Variants in ODF2 observed in about 807,000 individuals in gnomAD.
The protein encoded by ODF2 is outer dense fiber of sperm tails 2.
In ODF2, 47 loss-of-function variants were observed where a neutral mutation model predicts 110.2. That is an observed-to-expected ratio of 0.43 (90% CI 0.34 to 0.54). The LOEUF (loss-of-function observed/expected upper bound fraction) is 0.54, where lower values mean the gene tolerates loss of function less well. Among genes scored for constraint, ODF2 ranks in the 20% least tolerant of loss-of-function variants. The pLI is 0.03. For synonymous variants in ODF2, 352 were observed against 397.7 expected (o/e 0.89, Z 1.37); for missense variants, 812 against 1,054.5 (o/e 0.77, Z 3.19).
intron 18 of ODF2, 195 bp from the exon 19 acceptor site, chr9:128,498,218 C>A: frequency 1.4e-6 from 1 of 717,848 alleles, no homozygotes; most frequent in Non-Finnish European, 2.0e-6. Context: ...ACTCTGTTCT[C>A]TAACCAGTTG....
intron 14 of ODF2, among the ~76,000 whole-genome samples, chr9:128,488,927 A>G (rs185888189): frequency 6.6e-6 from 1 of 152,310 alleles, no homozygotes; most frequent in African/African-American, 2.4e-5. Context: ...GAATTGCTTG[A>G]GCCCAGGAAG....
exon 12 of ODF2, chr9:128,484,794 G>C: frequency 1.2e-6 from 2 of 1,613,654 alleles, no homozygotes; most frequent in Non-Finnish European, 1.7e-6. Context: ...CCGAGACAAA[G>C]AGAGCTTGAA....
chr9:128,500,342 C>T (rs1449045857), exon 21 of ODF2: 1 of 1,380,512 alleles, frequency 7.2e-7, no homozygotes, highest in Non-Finnish European at 1.0e-6. Context: ...GGTGGTTTTC[C>T]TCTCCCAGTG....
At chr9:128,456,611 C>G in intron 1 of ODF2, 1 of 1,514,638 alleles carries the variant, frequency 6.6e-7, no homozygotes. Flanking sequence ...CCGACAGAGG[C>G]TCTCCCTCGC....
At chr9:128,493,847 T>A (rs971312668) in intron 16 of ODF2, among the ~76,000 whole-genome samples, 2 of 152,138 alleles carry the variant, frequency 1.3e-5, no homozygotes, top group Non-Finnish European at 2.9e-5. Flanking sequence ...CAGGCTGGAG[T>A]GCAGTGGTGT....
At chr9:128,466,254 T>G (rs1837859886) in intron 4 of ODF2, among the ~76,000 whole-genome samples, 1 of 151,572 alleles carries the variant, frequency 6.6e-6, no homozygotes, top group Non-Finnish European at 1.5e-5. Flanking sequence ...TCACCTGAGC[T>G]CAGGAGTTGG....
chr9:128,497,479 A>G (rs1845850766), intron 18 of ODF2: 1 of 118,896 alleles, frequency 8.4e-6, no homozygotes, highest in African/African-American at 3.2e-5. Context: ...ATATATATAT[A>G]TATATATGTA....
rs2132061088 is a variant in ODF2 at position 128,485,509 on chromosome 9, G to T, written c.1400+35G>T. The T allele has an allele frequency of 8.2e-7, 1 of 1,222,930 alleles. No homozygotes were observed. The highest frequency in any genetic ancestry group is 1.2e-5 in the South Asian group (1 of 80,658). The allele number at this position is 1,222,930 out of a possible 1,614,324, so 75.8% of individuals were successfully genotyped here. A position where few individuals can be genotyped will look rare whatever the true frequency, so the allele number is the denominator to read the frequency against. On this transcript the variant is annotated intron_variant, in intron 13 of 20. Coordinates refer to ENST00000604420, the Ensembl canonical transcript of ODF2. The surrounding 1 kb of genome is among the most constrained non-coding windows in gnomAD (Gnocchi z 5.0). ...AGAGTAGGAGAGGGAATGTGGCGCT[G>T]TTGAGGGACTTGGGTGTGCAGGTGG...
At chr9:128,498,807 C>T (rs1564535569) in intron 19 of ODF2, among the ~76,000 whole-genome samples, 194 bp from the exon 20 acceptor site, 1 of 152,222 alleles carries the variant, frequency 6.6e-6, no homozygotes, top group African/African-American at 2.4e-5. Flanking sequence ...GGTGGTGACT[C>T]CTGGAGCACT....
At position 128,497,446 on chromosome 9, in the gene ODF2, A is replaced by AAAAAAAT. The variant is rs1554857542; in HGVS notation, c.2013-966_2013-965insAAAAATA. The AAAAAAAT allele has an allele frequency of 5.6e-4, 24 of 42,562 alleles. 1 individual carries two copies. The highest frequency in any genetic ancestry group is 1.8e-3 in the African/African-American group (12 of 6,674). 2.6% of individuals were successfully genotyped at this position (42,562 alleles called of 1,614,324 possible). On this transcript the variant is annotated intron_variant, in intron 18 of 20. Coordinates refer to ENST00000604420, the Ensembl canonical transcript of ODF2. ...ACTAAAAAAAAAAAAAAAAAAAAAA[A>AAAAAAAT]ATATATATATATATATATATATATA... is the stretch of plus-strand genomic sequence containing the variant.
chr9:128,473,523 T>C, intron 7 of ODF2, 87 bp from the exon 8 acceptor site: 1 of 1,566,326 alleles, frequency 6.4e-7, no homozygotes. Context: ...TGTCTGGGCT[T>C]TCTGGCACCA....
At chr9:128,497,447 ATATATATATATAT>A (rs1333329048) in intron 18 of ODF2, 14 of 37,868 alleles carry the variant, frequency 3.7e-4, no homozygotes, top group African/African-American at 2.7e-3. Context: ...AAAAAAAAAA[ATATATATATATAT>A]ATATATATAT....
intron 18 of ODF2, chr9:128,496,447 C>T: frequency 2.4e-6 from 2 of 838,276 alleles, no homozygotes; most frequent in Non-Finnish European, 3.3e-6. Context: ...TTGAATGGAG[C>T]AGCCAGTATA....
rs1229277717 is a variant in ODF2, at chr9:128,470,010, AAAAAAAAAATATATATATAT to A, written c.420+659_420+678del. On this transcript the variant is annotated intron_variant, in intron 5 of 20. Transcript: ENST00000604420. ...AAAAAAAAAAAAAAAAAAAAAAAAAAAAAAAAAAATATATATATATATATATATATATATATAAATAAAAA... is the reference window on the plus strand; with the variant it reads ...AAAAAAAAAAAAAAAAAAAAAAAAAAATATATATATATATATAAATAAAAA... Among the ~76,000 whole-genome samples the A allele has an allele frequency of 4.8e-4, 16 of 33,362 alleles. No individual in the cohort carries two copies. In the East Asian group the frequency reaches 0.03, roughly 63 times the overall value. The allele number at this position is 33,362 out of a possible 152,430, so 21.9% of individuals were successfully genotyped here. A position where few individuals can be genotyped will look rare whatever the true frequency, so the allele number is the denominator to read the frequency against.
intron 11 of ODF2, 149 bp from the exon 12 acceptor site, chr9:128,484,552 C>T: frequency 1.3e-6 from 1 of 778,034 alleles, no homozygotes; most frequent in Non-Finnish European, 2.1e-6. Context: ...TTAGGGGAGC[C>T]TCTCACACAG....
chr9:128,487,086 T>C lies in ODF2; in HGVS notation c.1401-804T>C, dbSNP rs375727906. 4.9e-4 allele frequency among the ~76,000 whole-genome samples: 75 copies of C among 151,956 alleles called. No individual in the cohort carries two copies. In the East Asian group the frequency reaches 9.5e-3, roughly 19 times the overall value. Reference sequence around the variant, plus strand: ...CACATCCCTCTCTCTCTCTCTCTCTTTTTTTTCTTAATGGAGACAAGGTCT... The same window carrying C: ...CACATCCCTCTCTCTCTCTCTCTCTCTTTTTTCTTAATGGAGACAAGGTCT... On this transcript the variant is annotated intron_variant, in intron 13 of 20. Coordinates refer to ENST00000604420, the Ensembl canonical transcript of ODF2.
At chr9:128,471,777 G>C (rs1840047618) in intron 6 of ODF2, among the ~76,000 whole-genome samples, 1 of 152,114 alleles carries the variant, frequency 6.6e-6, no homozygotes, top group African/African-American at 2.4e-5. Flanking sequence ...GTGGGTGCTA[G>C]GGAAGAAAGC....
chr9:128,456,845 G>T, intron 1 of ODF2: 1 of 1,314,168 alleles, frequency 7.6e-7, no homozygotes, highest in South Asian at 1.9e-5. Context: ...GGGGCGCCCG[G>T]GGCCCGTGCA....
In ODF2 at chr9:128,476,475, A is replaced by G. The variant is rs145625314; in HGVS notation, c.843+2734A>G. Among the ~76,000 whole-genome samples the G allele has an allele frequency of 5.2e-3, 792 of 151,172 alleles. 2 individuals are homozygous for G. Among genetic ancestry groups the G allele is most frequent in the Non-Finnish European group, 8.2e-3 (557 of 67,834 alleles). On this transcript the variant is annotated intron_variant, in intron 8 of 20. Transcript: ENST00000604420. ...GCTACTTTTTGTAGTTTTAGTAGAG[A>G]CGGGGTTTCATCATATTGGTCAGGC...
Sources: gnomAD v4.1 joint callset for allele counts (sites outside exome capture counted in the v4.1 genomes callset) on GRCh38, gnomAD v4.1.1 for gene constraint, Gnocchi (gnomAD v3.1) non-coding constraint, MANE v1.5 for transcripts, NCBI Gene and HGNC (gene_info 2026-07-23, HGNC 2026-07-21) for gene names.